INTU: variants seen among roughly 807,000 people sequenced by gnomAD.
INTU encodes protein inturned.
A neutral mutation model predicts 100.5 loss-of-function variants in INTU; 68 were observed. That is an observed-to-expected ratio of 0.68 (90% CI 0.56 to 0.83). The LOEUF is 0.83. Among genes scored for constraint, INTU ranks in the 40% least tolerant of loss-of-function variants. INTU has a pLI of 0.00. For synonymous variants in INTU, 357 were observed against 395.7 expected (o/e 0.90, Z 1.16); for missense variants, 1,071 against 1,114.7 (o/e 0.96, Z 0.56).
intron 8 of INTU, 64 bp downstream of exon 8, chr4:127,687,931 C>G (rs1465760671): frequency 4.5e-6 from 5 of 1,103,700 alleles, no homozygotes; most frequent in Non-Finnish European, 4.9e-6. Context: ...TGTATCTTCT[C>G]TTTTTTTCGT....
At position 127,681,228 on chromosome 4, in the gene INTU, T is replaced by C. The variant is rs56155806; in HGVS notation, c.1182-3181T>C. The stretch of plus-strand genomic sequence containing the variant: ...ATCCCCATAAAGCTACCAATGACTT[T>C]CTTCACAGAATTGGAAAAAACTACT... On this transcript the variant is annotated intron_variant, in intron 6 of 15. Transcript: ENST00000335251. Among the ~76,000 whole-genome samples, 256 of 152,332 alleles carry C rather than the reference T, an allele frequency of 1.7e-3. 1 individual carries two copies. Among genetic ancestry groups the C allele is most frequent in the African/African-American group, 5.9e-3 (246 of 41,564 alleles).
At chr4:127,679,159 C>T (rs1318400746) in intron 6 of INTU, among the ~76,000 whole-genome samples, 1 of 152,004 alleles carries the variant, frequency 6.6e-6, no homozygotes, top group African/African-American at 2.4e-5. Context: ...TAATGGGAGA[C>T]TTTAACACCC....
At chr4:127,716,269 G>A in intron 15 of INTU, 56 bp from the exon 16 acceptor site, 1 of 798,658 alleles carries the variant, frequency 1.3e-6, no homozygotes. Flanking sequence ...GATGGTTAGA[G>A]TTTTTGTTGT....
At chr4:127,674,235 C>G (rs1729070722) in intron 6 of INTU, 22 bp downstream of exon 6, 1 of 1,517,324 alleles carries the variant, frequency 6.6e-7, no homozygotes, top group South Asian at 1.2e-5. Flanking sequence ...TTTTGCTTAC[C>G]TTAAAATCAT....
Position 127,705,703 on chromosome 4 carries a change from T to C in INTU, c.1679T>C (p.Ile560Thr). 6.2e-7 allele frequency: 1 copy of C among 1,614,050 alleles called. No individual in the cohort carries two copies. Among genetic ancestry groups the C allele is most frequent in the Non-Finnish European group, 8.5e-7 (1 of 1,179,944 alleles). Residue 560 changes from isoleucine to threonine, a missense_variant, in exon 11 of 16, where the codon ATC becomes ACC. By Grantham distance (89) the Ile-to-Thr change is moderately conservative (BLOSUM62 -1). Coordinates refer to ENST00000335251, the MANE Select transcript of INTU (RefSeq NM_015693.4). ...GCAAAACAAAGAATTGGTCAGTTGA[T>C]CATATGGAGAGAAGTGTTTCCTCAG... Reference protein sequence around the residue: ...LAAKQRIGQLIIWREVFPQHH... With the variant: ...LAAKQRIGQLTIWREVFPQHH...
Position 127,718,227 on chromosome 4 carries a change from T to G in INTU, c.*1791T>G, listed in dbSNP as rs913429508. ...GATAGCTAGTTCTCCCAGCACCATTTATTAAATAAGGAATCCTTTCCCCAT... is the reference window on the plus strand; with the variant it reads ...GATAGCTAGTTCTCCCAGCACCATTGATTAAATAAGGAATCCTTTCCCCAT... On this transcript the variant is annotated 3_prime_UTR_variant, in exon 16 of 16. Coordinates refer to ENST00000335251, the MANE Select transcript of INTU (RefSeq NM_015693.4). 3.3e-5 allele frequency: 5 copies of G among 152,214 alleles called. No homozygotes were observed. Among genetic ancestry groups the G allele is most frequent in the African/African-American group, 7.2e-5 (3 of 41,460 alleles). The allele number at this position is 152,214 out of a possible 1,614,324, so 9.4% of individuals were successfully genotyped here.
At chr4:127,663,837 A>T (rs1728582965) in intron 4 of INTU, among the ~76,000 whole-genome samples, 1 of 152,172 alleles carries the variant, frequency 6.6e-6, no homozygotes, top group Admixed American at 6.6e-5. Context: ...AAAAAGAGGA[A>T]GGTATCGTTG....
At position 127,700,042 on chromosome 4, in the gene INTU, G is replaced by A; in HGVS notation, c.1482G>A (p.Glu494=). ...MELDMALSDL[E]AADFAELSED... is the part of the protein sequence containing the mutation. ...TAGACATGGCATTAAGTGACTTGGA[G>A]GCTGCAGATTTTGCAGAACTGGTAA... Residue 494 remains glutamate (E), a synonymous_variant, in exon 9 of 16, where the codon GAG becomes GAA. Transcript: ENST00000335251. 1 of 1,605,876 alleles carries A rather than the reference G, an allele frequency of 6.2e-7. No individual in the cohort carries two copies. The highest frequency in any genetic ancestry group is 8.5e-7 in the Non-Finnish European group (1 of 1,176,282).
intron 6 of INTU, among the ~76,000 whole-genome samples, chr4:127,682,005 G>A (rs1352692593): frequency 6.6e-6 from 1 of 150,442 alleles, no homozygotes; most frequent in Non-Finnish European, 1.5e-5. Context: ...ATGAAAAAAT[G>A]CTCATCATCA....
At chr4:127,661,466 G>A (rs933296124) in intron 3 of INTU, among the ~76,000 whole-genome samples, 1 of 151,952 alleles carries the variant, frequency 6.6e-6, no homozygotes, top group Non-Finnish European at 1.5e-5. Context: ...CTGAGGACCC[G>A]CTTTCTTGTC....
intron 8 of INTU, among the ~76,000 whole-genome samples, chr4:127,696,507 A>G (rs1167120868): frequency 6.6e-6 from 1 of 151,804 alleles, no homozygotes; most frequent in Non-Finnish European, 1.5e-5. Flanking sequence ...TTTAATGTCC[A>G]TGGACCCTGT....
intron 1 of INTU, among the ~76,000 whole-genome samples, chr4:127,641,711 C>T (rs1727342507): frequency 6.6e-6 from 1 of 152,128 alleles, no homozygotes; most frequent in South Asian, 2.1e-4. Flanking sequence ...CTCTTCTTTA[C>T]TAAGCAAGGG....
At chr4:127,669,190 TC>T in intron 5 of INTU, 36 bp downstream of exon 5, 1 of 1,018,102 alleles carries the variant, frequency 9.8e-7, no homozygotes, top group Non-Finnish European at 1.5e-6. Context: ...TCTGTTTTTT[TC>T]AAGTTCTTTT....
At chr4:127,711,543 A>G (rs1250926264) in intron 14 of INTU, among the ~76,000 whole-genome samples, 3 of 152,232 alleles carry the variant, frequency 2.0e-5, no homozygotes, top group African/African-American at 7.2e-5. Flanking sequence ...GCCACATACC[A>G]GTAGCTCTCT....
chr4:127,670,556 T>A (rs191078696), intron 5 of INTU, among the ~76,000 whole-genome samples: 4 of 152,028 alleles, frequency 2.6e-5, no homozygotes, highest in Admixed American at 2.0e-4. Context: ...AAATCTTTAT[T>A]GAGATATAGT....
At chr4:127,644,242 A>T (rs1379530898) in intron 2 of INTU, among the ~76,000 whole-genome samples, 186 bp downstream of exon 2, 1 of 152,216 alleles carries the variant, frequency 6.6e-6, no homozygotes, top group African/African-American at 2.4e-5. Flanking sequence ...TCTTAAAATG[A>T]CCAGTTCAGT....
In INTU at chr4:127,705,823, C is replaced by T. The variant is rs771412231; in HGVS notation, c.1788+11C>T. ...CTAGTTGTTGGCTTGGTAAGTTTAC[C>T]TCAGCTTCTTTCTTAGGATTTTTCT... On this transcript the variant is annotated intron_variant, in intron 11 of 15. Transcript: ENST00000335251. 1 of 1,600,698 alleles carries T rather than the reference C, an allele frequency of 6.2e-7. No homozygotes were observed. Among genetic ancestry groups the T allele is most frequent in the Non-Finnish European group, 8.6e-7 (1 of 1,169,312 alleles).
chr4:127,661,976 T>C (rs567475351), intron 3 of INTU, among the ~76,000 whole-genome samples: 2 of 152,192 alleles, frequency 1.3e-5, no homozygotes, highest in Non-Finnish European at 2.9e-5. Flanking sequence ...ATAATGTCCA[T>C]TCTGGTTGGA....
At chr4:127,659,281 C>G (rs1728369598) in intron 3 of INTU, among the ~76,000 whole-genome samples, 1 of 152,034 alleles carries the variant, frequency 6.6e-6, no homozygotes, top group Admixed American at 6.6e-5. Context: ...GTTAAAATAC[C>G]TGCAAATAAT....
Sources: gnomAD v4.1 joint callset for allele counts (sites outside exome capture counted in the v4.1 genomes callset) on GRCh38, gnomAD v4.1.1 for gene constraint, MANE v1.5 for transcripts, NCBI Gene and HGNC (gene_info 2026-07-23, HGNC 2026-07-21) for gene names.